INPP5B: variants seen among roughly 807,000 people sequenced by gnomAD.
INPP5B encodes type II inositol 1,4,5-trisphosphate 5-phosphatase.
Under a neutral mutation model 118.5 loss-of-function variants are expected in INPP5B, and 90 were observed. That is an observed-to-expected ratio of 0.76 (90% confidence interval 0.64 to 0.90). The LOEUF (loss-of-function observed/expected upper bound fraction) is 0.90. Ranked by LOEUF, INPP5B falls within the 40% of genes least tolerant of loss-of-function variation. INPP5B has a pLI of 0.00. For missense variants in INPP5B, 984 were observed against 1,125.6 expected (o/e 0.87, Z 1.80); for synonymous variants, 385 against 418.9 (o/e 0.92, Z 0.99).
chr1:37,879,635 G>T (rs957928160), intron 15 of INPP5B, among the ~76,000 whole-genome samples: 3 of 151,978 alleles, frequency 2.0e-5, no homozygotes, highest in Admixed American at 6.6e-5. Context: ...GCACATGCCT[G>T]TAATCCTAGC....
chr1:37,868,112 G>A (rs1237249298), intron 20 of INPP5B, among the ~76,000 whole-genome samples: 2 of 152,006 alleles, frequency 1.3e-5, no homozygotes, highest in African/African-American at 2.4e-5. Context: ...CAAGGTGGGC[G>A]GATCACCTGA....
intron 15 of INPP5B, among the ~76,000 whole-genome samples, chr1:37,879,650 T>C (rs1248063024): frequency 6.6e-6 from 1 of 151,034 alleles, no homozygotes; most frequent in Non-Finnish European, 1.5e-5. Flanking sequence ...CCTAGCTACT[T>C]GGGAGGATGA....
At chr1:37,946,357 CCCGCTTTGGTCA>C in intron 1 of INPP5B, 23 bp from the exon 2 acceptor site, 1 of 1,576,458 alleles carries the variant, frequency 6.3e-7, no homozygotes, top group Non-Finnish European at 8.6e-7. Context: ...AGATAGGAGC[CCCGCTTTGGTCA>C]ACAAGTTACG....
At chr1:37,927,728 G>T (rs969859484) in intron 7 of INPP5B, among the ~76,000 whole-genome samples, 1 of 151,574 alleles carries the variant, frequency 6.6e-6, no homozygotes, top group Non-Finnish European at 1.5e-5. Context: ...TAGTAGAGAC[G>T]GGGTTTCACC....
At chr1:37,873,732 C>T (rs1466178855) in intron 18 of INPP5B, among the ~76,000 whole-genome samples, 1 of 152,212 alleles carries the variant, frequency 6.6e-6, no homozygotes, top group Non-Finnish European at 1.5e-5. Context: ...AACAGCAGCA[C>T]CTGCTATACA....
At chr1:37,938,054 C>T (rs963080760) in intron 6 of INPP5B, among the ~76,000 whole-genome samples, 5 of 149,916 alleles carry the variant, frequency 3.3e-5, no homozygotes, top group East Asian at 2.0e-4. Context: ...GGGTGGATCA[C>T]GAGGTCAGGA....
chr1:37,914,383 C>A (rs1298356384), intron 7 of INPP5B, among the ~76,000 whole-genome samples: 5 of 152,074 alleles, frequency 3.3e-5, no homozygotes, highest in Non-Finnish European at 7.4e-5. Flanking sequence ...GGCTCGGGAC[C>A]CCTTTCCGGT....
chr1:37,899,935 C>T (rs977277912), intron 7 of INPP5B, among the ~76,000 whole-genome samples: 5 of 151,618 alleles, frequency 3.3e-5, no homozygotes, highest in South Asian at 2.1e-4. Context: ...GGGATGATCT[C>T]GGTCTCCTGA....
At chr1:37,872,905 T>A (rs1416129036) in intron 19 of INPP5B, 25 bp downstream of exon 19, 4 of 1,549,380 alleles carry the variant, frequency 2.6e-6, no homozygotes, top group East Asian at 2.3e-5. Flanking sequence ...AAGTTCTAGA[T>A]GTTTCTTTGT....
At chr1:37,898,031 C>G (rs952116867) in intron 7 of INPP5B, among the ~76,000 whole-genome samples, 3 of 151,954 alleles carry the variant, frequency 2.0e-5, no homozygotes, top group African/African-American at 7.3e-5. Context: ...TGGAAGCAAC[C>G]AAGATATATT....
rs987218306 is a variant in INPP5B at position 37,861,652 on chromosome 1, C to G, written c.*663G>C. 1 of 151,776 alleles carries G rather than the reference C, an allele frequency of 6.6e-6. No homozygotes were observed. The highest frequency in any genetic ancestry group is 3.1e-3 in the Middle Eastern group (1 of 318). 9.4% of individuals were successfully genotyped at this position (151,776 alleles called of 1,614,324 possible). ...GGCTGAGGCAGGAGAATTGCTTGAA[C>G]CAAGGAGGCAGAGGTTGCAGTGAGC... On this transcript the variant is annotated 3_prime_UTR_variant, in exon 24 of 24. Transcript: ENST00000373024.
rs550399102 is a variant in INPP5B at position 37,883,185 on chromosome 1, A to G, written c.1320-267T>C. On this transcript the variant is annotated intron_variant, in intron 13 of 23. Transcript: ENST00000373024. ...TCTTGTAGGTTGGAAAGACAGTCTA[A>G]TAAGATCTAAAAGATAGTAATTTAC... 158 of 985,476 alleles carry G rather than the reference A, an allele frequency of 1.6e-4. 1 individual carries two copies. The African/African-American group carries it at 2.6e-3, about 17-fold the overall frequency. The allele number at this position is 985,476 out of a possible 1,614,324, so 61.0% of individuals were successfully genotyped here.
intron 19 of INPP5B, among the ~76,000 whole-genome samples, chr1:37,871,001 A>G (rs1299851017): frequency 6.6e-6 from 1 of 151,390 alleles, no homozygotes; most frequent in African/African-American, 2.4e-5. Flanking sequence ...CTAAAAATAT[A>G]AAAAAATTAG....
intron 15 of INPP5B, 183 bp from the exon 16 acceptor site, chr1:37,878,506 C>A (rs1642983630): frequency 1.0e-6 from 1 of 985,228 alleles, no homozygotes; most frequent in Non-Finnish European, 1.2e-6. Context: ...TGGGTATCAT[C>A]CAAAACAACC....
At chr1:37,887,597 A>C in intron 10 of INPP5B, 132 bp from the exon 11 acceptor site, 2 of 581,636 alleles carry the variant, frequency 3.4e-6, no homozygotes, top group Non-Finnish European at 3.1e-6. Context: ...AAAAATAAAC[A>C]TTTAGAGCCA....
intron 7 of INPP5B, among the ~76,000 whole-genome samples, chr1:37,927,951 T>G (rs1360288203): frequency 6.6e-6 from 1 of 152,166 alleles, no homozygotes; most frequent in African/African-American, 2.4e-5. Context: ...CATTCCTATC[T>G]CTATTAATGC....
chr1:37,905,015 G>A lies in INPP5B; in HGVS notation c.533-13561C>T, dbSNP rs1040713556. On this transcript the variant is annotated intron_variant, in intron 7 of 23. Transcript: ENST00000373024. ...AACATTAATAGTATACTAATGCAAA[G>A]TGAAGTTTGGCTTATTTGGTATATA... Among the ~76,000 whole-genome samples, 10 of 152,332 alleles carry A rather than the reference G, an allele frequency of 6.6e-5. No homozygotes were observed. The South Asian group carries it at 1.0e-3, about 16-fold the overall frequency.
chr1:37,884,122 C>G (rs551174891), intron 13 of INPP5B: 3 of 152,534 alleles, frequency 2.0e-5, no homozygotes, highest in African/African-American at 7.2e-5. Context: ...AAATAAAATC[C>G]TAAAACATAC....
rs368417324 is a variant in INPP5B, at chr1:37,872,991, T to G, written c.2126A>C (p.His709Pro). The G allele has an allele frequency of 5.4e-5, 87 of 1,614,180 alleles. 1 individual carries two copies. Among genetic ancestry groups the G allele is most frequent in the Middle Eastern group, 1.6e-4 (1 of 6,062 alleles). The change falls in exon 19 of 24, where the codon CAT becomes CCT. Residue 709 changes from histidine to proline, a missense_variant. His to Pro is a moderately conservative substitution (Grantham distance 77, BLOSUM62 -2). Around this residue, in one of 2 missense-constraint regions of INPP5B, gnomAD observed 634 missense variants for 791.0 expected, o/e 0.80. Transcript: ENST00000373024. ...TGGCTCTCTCATGTAACACAGTGTATGAATGGGAGACCCAAAACAGCTGGG... is the reference window on the plus strand; with the variant it reads ...TGGCTCTCTCATGTAACACAGTGTAGGAATGGGAGACCCAAAACAGCTGGG... The part of the protein sequence containing the change: ...YLPSCFGSPI[H>P]TLCYMREPIL...
Sources: allele counts gnomAD v4.1 joint callset (sites outside exome capture counted in the v4.1 genomes callset), GRCh38; gene constraint gnomAD v4.1.1; regional missense constraint gnomAD v4.1.1; transcripts MANE v1.5; gene names NCBI Gene and HGNC (gene_info 2026-07-23, HGNC 2026-07-21).